PLPPR5: variants seen among roughly 807,000 people sequenced by gnomAD.
PLPPR5 encodes the protein phospholipid phosphatase related 5, also known as phospholipid phosphatase-related protein type 5.
A neutral mutation model predicts 33.9 loss-of-function variants in PLPPR5; 16 were observed. The ratio of observed to expected loss-of-function variants is 0.47; its 90% CI spans 0.32 to 0.72. The LOEUF is 0.72. Ranked by LOEUF, PLPPR5 falls within the 30% of genes least tolerant of loss-of-function variation. PLPPR5 has a pLI of 0.03. For synonymous variants in PLPPR5, 163 were observed against 150.3 expected (o/e 1.08, Z -0.62); for missense variants, 301 against 406.7 (o/e 0.74, Z 2.23).
At chr1:98,959,863 A>G (rs1397692762) in intron 1 of PLPPR5, among the ~76,000 whole-genome samples, 1 of 152,176 alleles carries the variant, frequency 6.6e-6, no homozygotes, top group Non-Finnish European at 1.5e-5. Context: ...GTAGTTTTCA[A>G]ACAGAGAGTT....
intron 5 of PLPPR5, among the ~76,000 whole-genome samples, chr1:98,897,182 G>T (rs1318562012): frequency 6.6e-6 from 1 of 152,188 alleles, no homozygotes; most frequent in Non-Finnish European, 1.5e-5. Context: ...CTGCACAGAA[G>T]GACACATTTT....
At chr1:98,982,732 A>G (rs953417448) in intron 1 of PLPPR5, among the ~76,000 whole-genome samples, 3 of 152,054 alleles carry the variant, frequency 2.0e-5, no homozygotes, top group African/African-American at 7.2e-5. Context: ...AGGGACCTGA[A>G]TATCACTGCT....
chr1:98,921,501 C>A (rs1443679401), intron 4 of PLPPR5, among the ~76,000 whole-genome samples: 1 of 151,944 alleles, frequency 6.6e-6, no homozygotes, highest in South Asian at 2.1e-4. Context: ...TCCTGAAACT[C>A]GCCTATAACA....
intron 5 of PLPPR5, among the ~76,000 whole-genome samples, chr1:98,899,249 C>T (rs1027817706): frequency 3.3e-5 from 5 of 152,212 alleles, no homozygotes; most frequent in African/African-American, 1.2e-4. Context: ...GCTGACTCCA[C>T]ATCCGGATCA....
In PLPPR5 at chr1:98,899,655, C is replaced by CT. The variant is rs1214385487; in HGVS notation, c.934-6552dup. Among the ~76,000 whole-genome samples, 109 of 138,582 alleles carry CT rather than the reference C, an allele frequency of 7.9e-4. 1 individual carries two copies. The highest frequency in any genetic ancestry group is 1.5e-3 in the African/African-American group (57 of 36,994). The allele number at this position is 138,582 out of a possible 152,430, so 90.9% of individuals were successfully genotyped here. A position where few individuals can be genotyped will look rare whatever the true frequency, so the allele number is the denominator to read the frequency against. On this transcript the variant is annotated intron_variant, in intron 5 of 5. Transcript: ENST00000263177. ...CTTCAGAAAATACCTGTTTATTTCA[C>CT]TTGTTTTTTTTTTTTTTTTTTGAGA...
At chr1:98,894,979 A>G (rs1648415262) in intron 5 of PLPPR5, among the ~76,000 whole-genome samples, 3 of 152,076 alleles carry the variant, frequency 2.0e-5, no homozygotes, top group Admixed American at 6.6e-5. Flanking sequence ...TATCATCTAA[A>G]TATGGACATG....
intron 3 of PLPPR5, among the ~76,000 whole-genome samples, chr1:98,936,711 CTTTA>C (rs989756798): frequency 6.6e-6 from 1 of 152,172 alleles, no homozygotes; most frequent in Non-Finnish European, 1.5e-5. Flanking sequence ...CAAATGGTTA[CTTTA>C]TTTAAGGAAT....
chr1:98,964,449 C>A (rs753691445), intron 1 of PLPPR5, among the ~76,000 whole-genome samples: 3 of 152,108 alleles, frequency 2.0e-5, no homozygotes, highest in African/African-American at 7.2e-5. Flanking sequence ...ACTCCTCCCC[C>A]ACCTCAGCAA....
rs1476392815 is a variant in PLPPR5 at position 98,891,699 on chromosome 1, T to C, written c.*1373A>G. On this transcript the variant is annotated 3_prime_UTR_variant, in exon 6 of 6. Transcript: ENST00000263177. Reference sequence around the variant, plus strand: ...TCTTAAAACTGGATTATAATTATTATATAGTTTTATATTTGAAAAGTGTTC... The same window carrying C: ...TCTTAAAACTGGATTATAATTATTACATAGTTTTATATTTGAAAAGTGTTC... The C allele has an allele frequency of 1.3e-5, 2 of 152,130 alleles. No homozygotes were observed. The highest frequency in any genetic ancestry group is 1.3e-4 in the Admixed American group (2 of 15,232). 9.4% of individuals were successfully genotyped at this position (152,130 alleles called of 1,614,324 possible).
chr1:98,910,082 T>C (rs1649066492), intron 5 of PLPPR5, among the ~76,000 whole-genome samples: 1 of 152,234 alleles, frequency 6.6e-6, no homozygotes, highest in South Asian at 2.1e-4. Context: ...TTATCAAACA[T>C]GTACTTTGAA....
At chr1:98,913,282 A>G (rs1385044725) in intron 5 of PLPPR5, among the ~76,000 whole-genome samples, 1 of 152,208 alleles carries the variant, frequency 6.6e-6, no homozygotes, top group Non-Finnish European at 1.5e-5. Context: ...TCATTTAACA[A>G]ATATTTATTG....
intron 1 of PLPPR5, among the ~76,000 whole-genome samples, chr1:98,973,754 G>A (rs1557689278): frequency 6.6e-6 from 1 of 151,830 alleles, no homozygotes; most frequent in Non-Finnish European, 1.5e-5. Flanking sequence ...AACAGCAAGT[G>A]GGCCCACTTG....
At chr1:98,973,989 G>A (rs192458992) in intron 1 of PLPPR5, among the ~76,000 whole-genome samples, 24 of 152,050 alleles carry the variant, frequency 1.6e-4, no homozygotes, top group Admixed American at 5.3e-4. Flanking sequence ...CCCAGGAAGC[G>A]TCTGGTGTAG....
chr1:98,969,746 T>C (rs1651593579), intron 1 of PLPPR5, among the ~76,000 whole-genome samples: 2 of 152,122 alleles, frequency 1.3e-5, no homozygotes, highest in African/African-American at 2.4e-5. Context: ...CCTTCCTTTC[T>C]TTCTTTTTGC....
intron 5 of PLPPR5, among the ~76,000 whole-genome samples, chr1:98,899,658 GT>G (rs397967481): frequency 8.4e-4 from 87 of 103,340 alleles, no homozygotes; most frequent in East Asian, 1.8e-3. Context: ...TATTTCACTT[GT>G]TTTTTTTTTT....
At chr1:98,973,015 C>G (rs1020405267) in intron 1 of PLPPR5, among the ~76,000 whole-genome samples, 9 of 152,078 alleles carry the variant, frequency 5.9e-5, no homozygotes, top group African/African-American at 2.2e-4. Flanking sequence ...CAGGGTAGAA[C>G]AGACACATAC....
At chr1:98,949,099 T>C (rs954890925) in intron 3 of PLPPR5, among the ~76,000 whole-genome samples, 1 of 152,122 alleles carries the variant, frequency 6.6e-6, no homozygotes, top group Non-Finnish European at 1.5e-5. Context: ...TTGCTTTTAA[T>C]TGAAAAAAAC....
At chr1:98,913,902 C>A (rs1016624468) in intron 5 of PLPPR5, among the ~76,000 whole-genome samples, 8 of 152,346 alleles carry the variant, frequency 5.3e-5, no homozygotes, top group Admixed American at 3.9e-4. Context: ...TCTGTGCTCA[C>A]TGCCATGCCT....
At chr1:98,998,036 C>A (rs1308003994) in intron 1 of PLPPR5, among the ~76,000 whole-genome samples, 2 of 151,912 alleles carry the variant, frequency 1.3e-5, no homozygotes, top group Non-Finnish European at 2.9e-5. Context: ...TTGCTTTTCC[C>A]TCAGCATCAC....
Sources: gnomAD v4.1 joint callset for allele counts (sites outside exome capture counted in the v4.1 genomes callset) on GRCh38, gnomAD v4.1.1 for gene constraint, MANE v1.5 for transcripts, NCBI Gene and HGNC (gene_info 2026-07-23, HGNC 2026-07-21) for gene names.